The following IMPG2 variants were observed in gnomAD, a reference collection of about 807,000 sequenced individuals.
IMPG2 encodes interphotoreceptor matrix proteoglycan 2, also known as IPM 200.
In IMPG2, 91 loss-of-function variants were observed where a neutral mutation model predicts 129.2. The ratio of observed to expected loss-of-function variants is 0.70; its 90% CI spans 0.59 to 0.84. IMPG2 has a LOEUF of 0.84. Ranked by LOEUF, IMPG2 falls within the 40% of genes least tolerant of loss-of-function variation. The probability of loss-of-function intolerance (pLI) is 0.00; values close to 1 mark genes in which losing one functional copy is unlikely to be tolerated. For synonymous variants in IMPG2, 510 were observed against 517.7 expected (o/e 0.99, Z 0.20); for missense variants, 1,430 against 1,461.7 (o/e 0.98, Z 0.35).
At chr3:101,279,702 C>T (rs770464913) in intron 4 of IMPG2, among the ~76,000 whole-genome samples, 7 of 152,134 alleles carry the variant, frequency 4.6e-5, no homozygotes, top group Non-Finnish European at 5.9e-5. Flanking sequence ...AAATTGTCTC[C>T]GACGTCAAAT....
chr3:101,262,770 C>CAAAA (rs200218148), intron 9 of IMPG2, among the ~76,000 whole-genome samples: 3 of 130,476 alleles, frequency 2.3e-5, no homozygotes, highest in African/African-American at 5.5e-5. Flanking sequence ...GAAAGGATAA[C>CAAAA]AAAAAAAAAA....
chr3:101,302,551 T>C (rs1022085476), intron 3 of IMPG2, among the ~76,000 whole-genome samples: 2 of 152,314 alleles, frequency 1.3e-5, no homozygotes, highest in East Asian at 1.9e-4. Context: ...AGCTCCATCA[T>C]ATCTGGTTTT....
At chr3:101,261,372 T>C (rs182411093) in intron 9 of IMPG2, among the ~76,000 whole-genome samples, 1 of 152,252 alleles carries the variant, frequency 6.6e-6, no homozygotes, top group Admixed American at 6.5e-5. Flanking sequence ...GTCAAGCATT[T>C]ACTGGGAGCC....
intron 9 of IMPG2, among the ~76,000 whole-genome samples, chr3:101,261,658 G>C (rs911917711): frequency 2.0e-5 from 3 of 152,054 alleles, no homozygotes; most frequent in Non-Finnish European, 4.4e-5. Context: ...TCTGGAAAGG[G>C]AACTCAAATA....
chr3:101,241,748 C>A (rs1388211822), intron 14 of IMPG2, among the ~76,000 whole-genome samples: 1 of 152,090 alleles, frequency 6.6e-6, no homozygotes, highest in Non-Finnish European at 1.5e-5. Flanking sequence ...ACTTCTCTGG[C>A]CAGGTGCGGT....
intron 11 of IMPG2, among the ~76,000 whole-genome samples, chr3:101,250,921 C>T (rs1167008052): frequency 6.6e-6 from 1 of 152,156 alleles, no homozygotes; most frequent in Non-Finnish European, 1.5e-5. Flanking sequence ...GGAAAGAAGG[C>T]CATTTGCTCA....
rs890026887 is a variant in IMPG2 at position 101,226,647 on chromosome 3, C to T, written c.*322G>A. 3 of 305,928 alleles carry T rather than the reference C, an allele frequency of 9.8e-6. No homozygotes were observed. Among genetic ancestry groups the T allele is most frequent in the Non-Finnish European group, 1.8e-5 (3 of 166,684 alleles). 19.0% of individuals were successfully genotyped at this position (305,928 alleles called of 1,614,324 possible). A position where few individuals can be genotyped will look rare whatever the true frequency, so the allele number is the denominator to read the frequency against. On this transcript the variant is annotated 3_prime_UTR_variant, in exon 19 of 19. Coordinates refer to ENST00000193391, the MANE Select transcript of IMPG2 (RefSeq NM_016247.4). Reference sequence around the variant, plus strand: ...CCGAGGCACAGTTCTTAGGAGACACCCCCAGTGATTCAGAAGCAGACAGCA... The same window carrying T: ...CCGAGGCACAGTTCTTAGGAGACACTCCCAGTGATTCAGAAGCAGACAGCA...
At chr3:101,229,638 T>C in intron 16 of IMPG2, 48 bp from the exon 17 acceptor site, 3 of 1,500,966 alleles carry the variant, frequency 2.0e-6, no homozygotes, top group Non-Finnish European at 2.8e-6. Context: ...GATGCTCAAC[T>C]ATGTGGAAGA....
At chr3:101,233,015 T>A (rs375853902) in intron 14 of IMPG2, 24 bp from the exon 15 acceptor site, 32 of 1,611,246 alleles carry the variant, frequency 2.0e-5, no homozygotes, top group South Asian at 1.4e-4. Flanking sequence ...CAAAGAATAA[T>A]GCAAGAAAAG....
rs577504477 is a variant in IMPG2 at position 101,305,670 on chromosome 3, A to G, written c.335-1358T>C. ...AAGAAATATAGCCTATTAATTTAAG[A>G]AAAAAAAATATATATACACACATAC... On this transcript the variant is annotated intron_variant, in intron 2 of 18. Coordinates refer to ENST00000193391, the MANE Select transcript of IMPG2 (RefSeq NM_016247.4). 2.4e-3 allele frequency among the ~76,000 whole-genome samples: 371 copies of G among 152,104 alleles called. 3 individuals carry two copies. Among genetic ancestry groups the G allele is most frequent in the African/African-American group, 8.7e-3 (361 of 41,450 alleles).
chr3:101,306,696 T>C (rs1707208787), intron 2 of IMPG2, among the ~76,000 whole-genome samples: 1 of 151,644 alleles, frequency 6.6e-6, no homozygotes, highest in Admixed American at 6.6e-5. Flanking sequence ...TATCTACCCA[T>C]AGGGAAAGAA....
At chr3:101,246,882 T>G (rs944877203) in intron 11 of IMPG2, among the ~76,000 whole-genome samples, 2 of 151,944 alleles carry the variant, frequency 1.3e-5, no homozygotes, top group African/African-American at 4.8e-5. Context: ...GCCAGGAGGA[T>G]CACTTGAGGC....
rs540913985 is a variant in IMPG2 at position 101,314,244 on chromosome 3, T to A, written c.334+5340A>T. Among the ~76,000 whole-genome samples the A allele has an allele frequency of 1.1e-4, 16 of 152,192 alleles. No homozygotes were observed. In the South Asian group the frequency reaches 1.9e-3, roughly 18 times the overall value. Reference sequence around the variant, plus strand: ...AATATTCCTAAAAACAAACAGCCAATAAACTTGTATCTCAGACTCAGATTT... The same window carrying A: ...AATATTCCTAAAAACAAACAGCCAAAAAACTTGTATCTCAGACTCAGATTT... On this transcript the variant is annotated intron_variant, in intron 2 of 18. Coordinates refer to ENST00000193391, the MANE Select transcript of IMPG2 (RefSeq NM_016247.4).
rs761653843 is a variant in IMPG2, at chr3:101,242,753, A to C, written c.2957T>G (p.Phe986Cys). 6.2e-7 allele frequency: 1 copy of C among 1,614,048 alleles called. No individual in the cohort carries two copies. The highest frequency in any genetic ancestry group is 1.3e-5 in the African/African-American group (1 of 75,052). ...CATGGTATTGTAGGCAGTGGTACAA[A>C]AGTCTTCCAGAATCATGTACACCGC... ...NNAVYMILED[F>C]CTTAYNTMNL... The change falls in exon 14 of 19, where the codon TTT (phenylalanine) becomes TGT (cysteine). Residue 986 changes from phenylalanine (F) to cysteine (C), a missense_variant. Physicochemically the swap from Phe to Cys is radical, Grantham distance 205. Transcript: ENST00000193391.
intron 14 of IMPG2, among the ~76,000 whole-genome samples, chr3:101,234,444 G>A (rs1488171073): frequency 6.6e-6 from 1 of 152,040 alleles, no homozygotes; most frequent in African/African-American, 2.4e-5. Context: ...AGAACTGTGG[G>A]AGAATAAATT....
At chr3:101,229,633 T>C in intron 16 of IMPG2, 43 bp from the exon 17 acceptor site, 2 of 1,538,906 alleles carry the variant, frequency 1.3e-6, no homozygotes, top group South Asian at 1.1e-5. Context: ...GTTTGGATGC[T>C]CAACTATGTG....
chr3:101,236,804 G>C (rs1706351227), intron 14 of IMPG2, among the ~76,000 whole-genome samples: 1 of 151,960 alleles, frequency 6.6e-6, no homozygotes, highest in Non-Finnish European at 1.5e-5. Context: ...AGCTGCAGGA[G>C]TTGGTTTGTT....
chr3:101,304,421 C>G, intron 2 of IMPG2, 109 bp from the exon 3 acceptor site: 2 of 978,778 alleles, frequency 2.0e-6, no homozygotes, highest in Non-Finnish European at 3.2e-6. Flanking sequence ...AGTGTCCTTT[C>G]TGGAGGGATG....
rs377386242 is a variant in IMPG2, at chr3:101,243,853, C to G, written c.2478G>C (p.Leu826=). ...TKLPPTTIST[L]LEDEVIMGVQ... is the part of the protein sequence containing the mutation. Reference sequence around the variant, plus strand: ...CACCCATAATTACTTCATCCTCTAGCAGGGTGGAGATTGTGGTTGGAGGCA... The same window carrying G: ...CACCCATAATTACTTCATCCTCTAGGAGGGTGGAGATTGTGGTTGGAGGCA... Residue 826 remains leucine, a synonymous_variant, in exon 13 of 19, where the codon CTG becomes CTC. Coordinates refer to ENST00000193391, the MANE Select transcript of IMPG2 (RefSeq NM_016247.4). 6.2e-7 allele frequency: 1 copy of G among 1,614,164 alleles called. No individual in the cohort carries two copies.
Sources: gnomAD v4.1 joint callset for allele counts (sites outside exome capture counted in the v4.1 genomes callset) on GRCh38, gnomAD v4.1.1 for gene constraint, MANE v1.5 for transcripts, NCBI Gene and HGNC (gene_info 2026-07-23, HGNC 2026-07-21) for gene names.